OPN4: variants seen among roughly 807,000 people sequenced by gnomAD.
OPN4 encodes melanopsin.
A neutral mutation model predicts 49.5 loss-of-function variants in OPN4; 43 were observed. The ratio of observed to expected loss-of-function variants is 0.87; its 90% CI spans 0.68 to 1.12. The LOEUF is 1.12. Ranked by LOEUF, OPN4 falls within the 50% of genes most tolerant of loss-of-function variation. The pLI is 0.00. For synonymous variants in OPN4, 263 were observed against 258.0 expected (o/e 1.02, Z -0.19); for missense variants, 657 against 643.9 (o/e 1.02, Z -0.22).
At chr10:86,663,268 G>C (rs2132308850) in intron 8 of OPN4, among the ~76,000 whole-genome samples, 1 of 152,336 alleles carries the variant, frequency 6.6e-6, no homozygotes, top group South Asian at 2.1e-4. Context: ...ACATCCCTGG[G>C]GTTCTCGGTT....
Position 86,659,967 on chromosome 10 carries a change from G to C in OPN4, c.873G>C (p.Glu291Asp). The change falls in exon 6 of 10, where the codon GAG becomes GAC. Residue 291 changes from glutamate (E) to aspartate (D), a missense_variant. Glu to Asp is a conservative substitution (Grantham distance 45). Coordinates refer to ENST00000241891, the MANE Select transcript of OPN4 (RefSeq NM_033282.4). ...SLWQRQRLQS[E>D]CKMAKIMLLV... The stretch of plus-strand genomic sequence containing the variant: ...GGCAGCGGCAGCGGCTGCAGAGCGA[G>C]TGCAAGATGGCCAAGATCATGCTGC... 1.9e-6 allele frequency: 3 copies of C among 1,614,248 alleles called. No homozygotes were observed. The highest frequency in any genetic ancestry group is 2.5e-6 in the Non-Finnish European group (3 of 1,180,040).
rs1291868911 is a variant in OPN4 at position 86,658,702 on chromosome 10, G to A, written c.628+15G>A. On this transcript the variant is annotated intron_variant, in intron 4 of 9. Transcript: ENST00000241891. ...CTTCGGCTGGAGTAAGTGGGCTGCT[G>A]GAACTGGAAGGGGGGCAGATGGGCT... The A allele has an allele frequency of 6.2e-7, 1 of 1,608,886 alleles. No individual in the cohort carries two copies. The highest frequency in any genetic ancestry group is 8.5e-7 in the Non-Finnish European group (1 of 1,179,760).
chr10:86,656,301 G>A lies in OPN4; in HGVS notation c.290+1G>A. ...TGACGGTCATCTATACCTTCTGCAG[G>A]TGCCTGGTTGGTGGTGCTGGGCCCA... On this transcript the variant is annotated splice_donor_variant, in intron 2 of 9. Coordinates refer to ENST00000241891, the MANE Select transcript of OPN4 (RefSeq NM_033282.4). LOFTEE classifies it high-confidence loss of function. 1 of 1,592,928 alleles carries A rather than the reference G, an allele frequency of 6.3e-7. No homozygotes were observed. Among genetic ancestry groups the A allele is most frequent in the South Asian group, 1.1e-5 (1 of 87,882 alleles).
At chr10:86,659,839 C>T (rs1843960077) in intron 5 of OPN4, 56 bp from the exon 6 acceptor site, 2 of 1,586,536 alleles carry the variant, frequency 1.3e-6, no homozygotes, top group African/African-American at 2.7e-5. Context: ...CAGCCGTGAC[C>T]CTGGTGCTGA....
intron 8 of OPN4, among the ~76,000 whole-genome samples, 164 bp downstream of exon 8, chr10:86,662,596 A>G (rs1844040697): frequency 6.6e-6 from 1 of 152,210 alleles, no homozygotes; most frequent in Non-Finnish European, 1.5e-5. Context: ...CACCCCCATG[A>G]AGTTCGTAAT....
At chr10:86,656,072 G>A (rs973821304) in intron 1 of OPN4, 83 bp from the exon 2 acceptor site, 1 of 1,583,854 alleles carries the variant, frequency 6.3e-7, no homozygotes, top group Admixed American at 1.7e-5. Flanking sequence ...CTGCCCTGTT[G>A]AGAATCCTAA....
rs566841716 is a variant in OPN4 at position 86,661,513 on chromosome 10, C to T, written c.1073+125C>T. The stretch of plus-strand genomic sequence containing the variant: ...AATGGGGGCCACCAGCAGCTGGGAG[C>T]GGCCAATGACACTGAGTGGGGTCTG... On this transcript the variant is annotated intron_variant, in intron 7 of 9. Transcript: ENST00000241891. The T allele has an allele frequency of 1.9e-4, 131 of 682,088 alleles. 1 individual carries two copies. The South Asian group carries it at 2.2e-3, about 11-fold the overall frequency. 42.3% of individuals were successfully genotyped at this position (682,088 alleles called of 1,614,324 possible).
Position 86,656,221 on chromosome 10 carries a change from T to C in OPN4, c.211T>C (p.Tyr71His). The change falls in exon 2 of 10, where the codon TAT becomes CAT. Residue 71 changes from tyrosine (Y) to histidine (H), a missense_variant. Physicochemically the swap from Tyr to His is moderately conservative, Grantham distance 83. Transcript: ENST00000241891. Reference protein sequence around the residue: ...PTVDVPDHAHYTLGTVILLVG... With the variant: ...PTVDVPDHAHHTLGTVILLVG... ...GGTTGATGTTCCAGACCATGCCCACTATACCCTGGGCACAGTGATCTTGCT... is the reference window on the plus strand; with the variant it reads ...GGTTGATGTTCCAGACCATGCCCACCATACCCTGGGCACAGTGATCTTGCT... The C allele has an allele frequency of 6.2e-7, 1 of 1,614,156 alleles. No individual in the cohort carries two copies. Among genetic ancestry groups the C allele is most frequent in the Non-Finnish European group, 8.5e-7 (1 of 1,179,978 alleles).
At chr10:86,665,613 C>T (rs1342019111) in intron 9 of OPN4, 100 bp from the exon 10 acceptor site, 2 of 981,000 alleles carry the variant, frequency 2.0e-6, no homozygotes, top group Non-Finnish European at 3.2e-6. Context: ...TCCATGCAAC[C>T]TCCCCCACTG....
Position 86,663,658 on chromosome 10 carries a change from G to C in OPN4, c.1255-1G>C. ...CACAGTCACTCTCTCACCTCCCTCA[G>C]GGCTGGACACACATGGAGGCAGCAG... On this transcript the variant is annotated splice_acceptor_variant, in intron 8 of 9. Transcript: ENST00000241891. LOFTEE classifies it high-confidence loss of function. 3.3e-6 allele frequency: 5 copies of C among 1,522,222 alleles called. No individual in the cohort carries two copies. Among genetic ancestry groups the C allele is most frequent in the Non-Finnish European group, 4.4e-6 (5 of 1,131,748 alleles). The allele number at this position is 1,522,222 out of a possible 1,614,324, so 94.3% of individuals were successfully genotyped here. A position where few individuals can be genotyped will look rare whatever the true frequency, so the allele number is the denominator to read the frequency against.
In OPN4 at chr10:86,659,316, G is replaced by T. The variant is rs748995116; in HGVS notation, c.648G>T (p.Gly216=). 7.4e-6 allele frequency: 12 copies of T among 1,613,092 alleles called. No individual in the cohort carries two copies. The highest frequency in any genetic ancestry group is 9.3e-6 in the Non-Finnish European group (11 of 1,179,944). The change falls in exon 5 of 10, where the codon GGG becomes GGT. Residue 216 remains glycine, a synonymous_variant. Coordinates refer to ENST00000241891, the MANE Select transcript of OPN4 (RefSeq NM_033282.4). ...FFGWSAYVPE[G]LLTSCSWDYM... ...TCCCAGGCGCCTACGTGCCCGAGGGGTTGCTGACATCCTGCTCCTGGGACT... is the reference window on the plus strand; with the variant it reads ...TCCCAGGCGCCTACGTGCCCGAGGGTTTGCTGACATCCTGCTCCTGGGACT...
intron 2 of OPN4, 105 bp downstream of exon 2, chr10:86,656,405 T>G: frequency 7.2e-7 from 1 of 1,382,462 alleles, no homozygotes; most frequent in African/African-American, 1.4e-5. Flanking sequence ...GCCAGGGCAC[T>G]GTTGAGGCTA....
chr10:86,664,016 ATGTGTG>A, intron 9 of OPN4: 1 of 499,236 alleles, frequency 2.0e-6, no homozygotes, highest in Non-Finnish European at 3.6e-6. Flanking sequence ...TGGTCTGCAC[ATGTGTG>A]TGTGTGTGTG....
In OPN4 at chr10:86,658,078, G is replaced by A. The variant is rs747304015; in HGVS notation, c.337G>A (p.Ala113Thr). Residue 113 changes from alanine (A) to threonine (T), a missense_variant, in exon 3 of 10, where the codon GCG becomes ACG. Coordinates refer to ENST00000241891, the MANE Select transcript of OPN4 (RefSeq NM_033282.4). ...TPANMFIINL[A>T]VSDFLMSFTQ... is the part of the protein sequence containing the mutation. ...TGCCAACATGTTCATTATCAACCTC[G>A]CGGTCAGCGACTTCCTCATGTCCTT... 15 of 1,613,836 alleles carry A rather than the reference G, an allele frequency of 9.3e-6. No individual in the cohort carries two copies. The highest frequency in any genetic ancestry group is 2.7e-5 in the African/African-American group (2 of 74,892).
At chr10:86,659,711 G>C (rs1397277278) in intron 5 of OPN4, among the ~76,000 whole-genome samples, 184 bp from the exon 6 acceptor site, 1 of 152,210 alleles carries the variant, frequency 6.6e-6, no homozygotes, top group African/African-American at 2.4e-5. Flanking sequence ...GAGGGAGTAG[G>C]GGGCAGCTGA....
At chr10:86,660,851 G>A (rs891516506) in intron 6 of OPN4, among the ~76,000 whole-genome samples, 1 of 152,134 alleles carries the variant, frequency 6.6e-6, no homozygotes, top group African/African-American at 2.4e-5. Flanking sequence ...CATAGGCCAG[G>A]CATGGTGGCT....
intron 8 of OPN4, 147 bp from the exon 9 acceptor site, chr10:86,663,512 G>T: frequency 3.0e-6 from 2 of 667,454 alleles, no homozygotes; most frequent in Non-Finnish European, 4.6e-6. Context: ...GGGTTTATTT[G>T]GTGACCGGCA....
chr10:86,661,269 T>C lies in OPN4; in HGVS notation c.966-12T>C. On this transcript the variant is annotated splice_polypyrimidine_tract_variant and intron_variant, in intron 6 of 9. Coordinates refer to ENST00000241891, the MANE Select transcript of OPN4 (RefSeq NM_033282.4). Reference sequence around the variant, plus strand: ...GCCAGCTAGCTTGGGGACCACACCTTCTCTGTCCTAGGTACGCACACGTCC... The same window carrying C: ...GCCAGCTAGCTTGGGGACCACACCTCCTCTGTCCTAGGTACGCACACGTCC... The C allele has an allele frequency of 6.2e-7, 1 of 1,611,116 alleles. No homozygotes were observed.
At position 86,658,105 on chromosome 10, in the gene OPN4, A is replaced by C; in HGVS notation, c.364A>C (p.Thr122Pro). The C allele has an allele frequency of 6.2e-7, 1 of 1,613,892 alleles. No individual in the cohort carries two copies. Among genetic ancestry groups the C allele is most frequent in the Non-Finnish European group, 8.5e-7 (1 of 1,179,956 alleles). Residue 122 changes from threonine (T) to proline (P), a missense_variant, in exon 3 of 10, where the codon ACC becomes CCC. Transcript: ENST00000241891. Reference sequence around the variant, plus strand: ...GGTCAGCGACTTCCTCATGTCCTTCACCCAGGCCCCTGTCTTCTTCACCAG... The same window carrying C: ...GGTCAGCGACTTCCTCATGTCCTTCCCCCAGGCCCCTGTCTTCTTCACCAG... ...LAVSDFLMSF[T>P]QAPVFFTSSL... is the part of the protein sequence containing the mutation.
Sources: allele counts gnomAD v4.1 joint callset (sites outside exome capture counted in the v4.1 genomes callset), GRCh38; gene constraint gnomAD v4.1.1; transcripts MANE v1.5; gene names NCBI Gene and HGNC (gene_info 2026-07-23, HGNC 2026-07-21).